CCDC7: variants seen among roughly 807,000 people sequenced by gnomAD.
The protein encoded by CCDC7 is coiled-coil domain-containing protein 7.
CCDC7 carries 183 observed loss-of-function variants against 196.9 expected under a neutral mutation model. That is an observed-to-expected ratio of 0.93 (90% confidence interval 0.82 to 1.05). The LOEUF (loss-of-function observed/expected upper bound fraction) is 1.05, where lower values mean the gene tolerates loss of function less well. Among genes scored for constraint, CCDC7 ranks in the 50% least tolerant of loss-of-function variants. The pLI, the probability that CCDC7 is intolerant of heterozygous loss-of-function variation, is 0.00. For synonymous variants in CCDC7, 525 were observed against 484.6 expected (o/e 1.08, Z -1.10); for missense variants, 1,540 against 1,482.2 (o/e 1.04, Z -0.64).
intron 18 of CCDC7, among the ~76,000 whole-genome samples, chr10:32,600,409 G>A (rs1386891302): frequency 6.6e-6 from 1 of 151,522 alleles, no homozygotes; most frequent in East Asian, 1.9e-4. Flanking sequence ...CACTGATTTT[G>A]TAACCTGAGA....
chr10:32,648,969 A>G (rs1186491653), intron 20 of CCDC7, among the ~76,000 whole-genome samples: 3 of 152,232 alleles, frequency 2.0e-5, no homozygotes, highest in African/African-American at 4.8e-5. Context: ...ATGGAATACT[A>G]TGCAGTCATA....
chr10:32,606,243 T>C (rs1377889407), intron 18 of CCDC7, among the ~76,000 whole-genome samples: 1 of 152,238 alleles, frequency 6.6e-6, no homozygotes, highest in Non-Finnish European at 1.5e-5. Flanking sequence ...CTTGGCAGCC[T>C]CTGCCTAGGT....
chr10:32,766,942 CT>C lies in CCDC7; in HGVS notation c.2906-12030del, dbSNP rs367641252. Among the ~76,000 whole-genome samples the C allele has an allele frequency of 1.9e-3, 290 of 152,172 alleles. 1 individual carries two copies. Among genetic ancestry groups the C allele is most frequent in the South Asian group, 0.017 (81 of 4,830 alleles). ...TTGATTTCTGGTTCTTGTGATGGTG[CT>C]TTTTCCATATTGTTAGTTGTTAAAA... is the stretch of plus-strand genomic sequence containing the variant. On this transcript the variant is annotated intron_variant, in intron 28 of 41. Coordinates refer to ENST00000639629, the Ensembl canonical transcript of CCDC7.
At chr10:32,550,453 A>G (rs1422428206) in intron 13 of CCDC7, among the ~76,000 whole-genome samples, 1 of 151,938 alleles carries the variant, frequency 6.6e-6, no homozygotes, top group Non-Finnish European at 1.5e-5. Context: ...GTTGAGGAGG[A>G]GTGGTGAGAA....
chr10:32,725,308 A>G (rs1370793691), intron 25 of CCDC7: 4 of 470,674 alleles, frequency 8.5e-6, no homozygotes, highest in African/African-American at 6.0e-5. Context: ...ATATACTACT[A>G]CAAAAACAAA....
chr10:32,550,770 CTT>C (rs988561789), intron 13 of CCDC7, among the ~76,000 whole-genome samples: 9 of 152,150 alleles, frequency 5.9e-5, no homozygotes, highest in Admixed American at 2.0e-4. Flanking sequence ...GGTGGACTAT[CTT>C]TTTGTTATAT....
chr10:32,530,968 G>T (rs1476733560), intron 11 of CCDC7, among the ~76,000 whole-genome samples: 1 of 152,096 alleles, frequency 6.6e-6, no homozygotes, highest in Admixed American at 6.6e-5. Context: ...TTATCGTAAA[G>T]GATGTTGAAG....
At chr10:32,665,398 T>C (rs1365138815) in intron 21 of CCDC7, among the ~76,000 whole-genome samples, 3 of 152,046 alleles carry the variant, frequency 2.0e-5, no homozygotes, top group Admixed American at 2.0e-4. Flanking sequence ...ATCAACATAA[T>C]TGAGTGTTTC....
chr10:32,813,736 C>T (rs936506326), intron 30 of CCDC7, among the ~76,000 whole-genome samples: 2 of 152,118 alleles, frequency 1.3e-5, no homozygotes, highest in Non-Finnish European at 2.9e-5. Context: ...TAAGAAATAG[C>T]ATTGTATAGA....
chr10:32,769,046 T>C (rs540936049), intron 28 of CCDC7, among the ~76,000 whole-genome samples: 50 of 152,272 alleles, frequency 3.3e-4, no homozygotes, highest in Middle Eastern at 6.8e-3. Flanking sequence ...GATTCTCTCT[T>C]TTTATAATTT....
chr10:32,617,099 CTGA>C (rs1318037321), intron 18 of CCDC7, among the ~76,000 whole-genome samples: 2 of 151,798 alleles, frequency 1.3e-5, no homozygotes, highest in African/African-American at 4.8e-5. Flanking sequence ...ATAATAGTCA[CTGA>C]TGATATCTTG....
intron 8 of CCDC7, among the ~76,000 whole-genome samples, chr10:32,491,095 C>T (rs567805734): frequency 1.3e-5 from 2 of 152,224 alleles, no homozygotes; most frequent in African/African-American, 4.8e-5. Context: ...TCTAATGAAA[C>T]TCTGTCCATT....
intron 18 of CCDC7, among the ~76,000 whole-genome samples, chr10:32,609,941 T>A (rs180719147): frequency 3.3e-5 from 5 of 152,168 alleles, no homozygotes; most frequent in African/African-American, 1.2e-4. Flanking sequence ...GTGTATATAG[T>A]GCAGATATGC....
At chr10:32,859,286 A>G (rs1488505663) in intron 41 of CCDC7, among the ~76,000 whole-genome samples, 1 of 152,192 alleles carries the variant, frequency 6.6e-6, no homozygotes. Flanking sequence ...ACACAACTAC[A>G]TGGAAACTGA....
chr10:32,733,447 A>T (rs1336843478), intron 28 of CCDC7, among the ~76,000 whole-genome samples: 5 of 152,136 alleles, frequency 3.3e-5, no homozygotes, highest in African/African-American at 1.2e-4. Flanking sequence ...TTGCATTTTC[A>T]AAAAGCAAAT....
At chr10:32,560,570 T>C (rs1215310411) in intron 13 of CCDC7, among the ~76,000 whole-genome samples, 11 of 152,266 alleles carry the variant, frequency 7.2e-5, no homozygotes, top group Non-Finnish European at 5.9e-5. Context: ...CCAGCCAAAC[T>C]AAGCTTCATA....
At chr10:32,738,473 C>CTTTTTTTTTTTT (rs33944221) in intron 28 of CCDC7, among the ~76,000 whole-genome samples, 1 of 109,668 alleles carries the variant, frequency 9.1e-6, no homozygotes, top group Non-Finnish European at 1.7e-5. Context: ...GTTTCTTTCA[C>CTTTTTTTTTTTT]TTTTTTTTTT....
intron 24 of CCDC7, among the ~76,000 whole-genome samples, chr10:32,709,365 A>G (rs1283307053): frequency 6.6e-6 from 1 of 151,816 alleles, no homozygotes; most frequent in Non-Finnish European, 1.5e-5. Context: ...GATATACCTA[A>G]TGTAAATGAC....
chr10:32,658,538 C>T (rs1387618766), intron 20 of CCDC7, among the ~76,000 whole-genome samples: 3 of 152,118 alleles, frequency 2.0e-5, no homozygotes, highest in Non-Finnish European at 2.9e-5. Flanking sequence ...TGGGTCCCTC[C>T]CATGACACAT....
Sources: gnomAD v4.1 joint callset for allele counts (sites outside exome capture counted in the v4.1 genomes callset) on GRCh38, gnomAD v4.1.1 for gene constraint, MANE v1.5 for transcripts, NCBI Gene and HGNC (gene_info 2026-07-23, HGNC 2026-07-21) for gene names.